EXT1: variants seen among roughly 807,000 people sequenced by gnomAD.
The protein encoded by EXT1 is exostosin glycosyltransferase 1, also known as exostosin-1.
Under a neutral mutation model 82.5 loss-of-function variants are expected in EXT1, and 20 were observed. The ratio of observed to expected loss-of-function variants is 0.24; its 90% confidence interval spans 0.17 to 0.35. The LOEUF is 0.35. EXT1 is among the 10% of genes least tolerant of loss of function. The pLI, the probability that EXT1 is intolerant of heterozygous loss-of-function variation, is 1.00. For missense variants in EXT1, 757 were observed against 936.5 expected (o/e 0.81, Z 2.50); for synonymous variants, 348 against 350.8 (o/e 0.99, Z 0.09).
intron 2 of EXT1, among the ~76,000 whole-genome samples, chr8:117,835,863 C>T (rs1369320220): frequency 5.3e-5 from 8 of 152,256 alleles, no homozygotes; most frequent in South Asian, 2.1e-4. Context: ...TTTTTATTGA[C>T]GTAACAAAAG....
At chr8:117,852,254 T>C (rs1373536970) in intron 1 of EXT1, among the ~76,000 whole-genome samples, 1 of 152,144 alleles carries the variant, frequency 6.6e-6, no homozygotes, top group Non-Finnish European at 1.5e-5. Context: ...TTTGGAGATG[T>C]CCCATTGGCT....
chr8:117,890,560 T>G (rs891071724), intron 1 of EXT1, among the ~76,000 whole-genome samples: 1 of 152,208 alleles, frequency 6.6e-6, no homozygotes, highest in Non-Finnish European at 1.5e-5. Flanking sequence ...ACTTTCCAAA[T>G]GACATAGCAC....
chr8:118,042,347 G>A (rs1816547212), intron 1 of EXT1, among the ~76,000 whole-genome samples: 2 of 152,288 alleles, frequency 1.3e-5, no homozygotes, highest in South Asian at 2.1e-4. Context: ...AGGCTACAGT[G>A]CAGTGGTGCC....
intron 1 of EXT1, among the ~76,000 whole-genome samples, chr8:118,074,919 G>A (rs1204846327): frequency 6.6e-6 from 1 of 152,196 alleles, no homozygotes; most frequent in African/African-American, 2.4e-5. Context: ...AAGGCTGGAA[G>A]CTCAGGGAGA....
intron 1 of EXT1, among the ~76,000 whole-genome samples, chr8:117,962,768 C>A (rs1365892780): frequency 6.8e-6 from 1 of 146,132 alleles, no homozygotes. Flanking sequence ...ACCCCCCACC[C>A]CCAAAAAAAA....
intron 1 of EXT1, among the ~76,000 whole-genome samples, chr8:118,103,206 G>C (rs1817753876): frequency 6.6e-6 from 1 of 152,156 alleles, no homozygotes; most frequent in Non-Finnish European, 1.5e-5. Flanking sequence ...GAGTGCAGTG[G>C]TGCCATCATC....
At chr8:117,994,908 C>T (rs1301255005) in intron 1 of EXT1, among the ~76,000 whole-genome samples, 1 of 152,230 alleles carries the variant, frequency 6.6e-6, no homozygotes, top group Non-Finnish European at 1.5e-5. Context: ...CACAGAACAT[C>T]AGCTATTTGG....
At chr8:118,059,265 T>C (rs1297806931) in intron 1 of EXT1, among the ~76,000 whole-genome samples, 1 of 152,146 alleles carries the variant, frequency 6.6e-6, no homozygotes, top group Non-Finnish European at 1.5e-5. Flanking sequence ...CACTGAATCA[T>C]ACAACTGTCA....
intron 1 of EXT1, among the ~76,000 whole-genome samples, chr8:117,898,316 CCTGTGGG>C: frequency 6.6e-6 from 1 of 152,194 alleles, no homozygotes; most frequent in Non-Finnish European, 1.5e-5. Context: ...GAAGTACCTT[CCTGTGGG>C]CTGGCTGGCA....
chr8:117,798,672 C>G lies in EXT1; in HGVS notation c.*1040G>C, dbSNP rs961216241. On this transcript the variant is annotated 3_prime_UTR_variant, in exon 11 of 11. Coordinates refer to ENST00000378204, the MANE Select transcript of EXT1 (RefSeq NM_000127.3). ...GTTACTTTGCAGCAATCCTCTTGTT[C>G]ATTGGTGTGAATTTCTACCTTATTA... 1.3e-5 allele frequency: 2 copies of G among 152,218 alleles called. No individual in the cohort carries two copies. The highest frequency in any genetic ancestry group is 2.9e-5 in the Non-Finnish European group (2 of 68,030). The allele number at this position is 152,218 out of a possible 1,614,324, so 9.4% of individuals were successfully genotyped here. A position where few individuals can be genotyped will look rare whatever the true frequency, so the allele number is the denominator to read the frequency against.
intron 1 of EXT1, among the ~76,000 whole-genome samples, chr8:118,091,033 G>A (rs917768281): frequency 1.3e-5 from 2 of 152,054 alleles, no homozygotes; most frequent in African/African-American, 4.8e-5. Context: ...AAACACCAAA[G>A]AAGTCAAGGA....
At chr8:117,941,117 T>C (rs964646869) in intron 1 of EXT1, among the ~76,000 whole-genome samples, 15 of 152,164 alleles carry the variant, frequency 9.9e-5, no homozygotes, top group Admixed American at 3.3e-4. Context: ...AATAAGTCAC[T>C]TGCATGAGAA....
chr8:118,061,746 A>C (rs35977504), intron 1 of EXT1, among the ~76,000 whole-genome samples: 8,051 of 152,320 alleles, frequency 0.053, 260 homozygotes, highest in Non-Finnish European at 0.082. Context: ...TGGTAAGCCA[A>C]ATAACATTCC....
chr8:117,913,225 T>A (rs974642630), intron 1 of EXT1, among the ~76,000 whole-genome samples: 4 of 152,038 alleles, frequency 2.6e-5, no homozygotes, highest in African/African-American at 7.2e-5. Context: ...CCATTTTTTT[T>A]AAAAGGTGTC....
intron 1 of EXT1, among the ~76,000 whole-genome samples, chr8:118,055,666 C>G (rs2129932148): frequency 6.6e-6 from 1 of 152,240 alleles, no homozygotes; most frequent in Non-Finnish European, 1.5e-5. Context: ...ATAACTAAGT[C>G]TAATTTCAGT....
chr8:118,052,648 A>G (rs935884287), intron 1 of EXT1, among the ~76,000 whole-genome samples: 1 of 152,192 alleles, frequency 6.6e-6, no homozygotes, highest in African/African-American at 2.4e-5. Flanking sequence ...TTTAATAGCC[A>G]CCTCTCCAAA....
chr8:117,822,582 T>C lies in EXT1; in HGVS notation c.1300A>G (p.Ile434Val), dbSNP rs1811943704. Residue 434 changes from isoleucine to valine, a missense_variant, in exon 5 of 11, where the codon ATA (isoleucine) becomes GTA (valine). This residue lies in a region of EXT1 where 207 missense variants were observed against 224.2 expected (regional missense o/e 0.92). Transcript: ENST00000378204. The part of the protein sequence containing the change: ...LTTLEIIQDR[I>V]FKHISRNSLI... ...CTGTTACGTGATATGTGCTTGAATA[T>C]TCTGTCCTGAATAATCTAGAAAATA... is the stretch of plus-strand genomic sequence containing the variant. The C allele has an allele frequency of 6.2e-7, 1 of 1,613,008 alleles. No individual in the cohort carries two copies. The highest frequency in any genetic ancestry group is 1.3e-5 in the African/African-American group (1 of 74,926).
chr8:117,886,017 T>C (rs1813141742), intron 1 of EXT1, among the ~76,000 whole-genome samples: 1 of 152,238 alleles, frequency 6.6e-6, no homozygotes, highest in Admixed American at 6.5e-5. Flanking sequence ...CATGACTGTG[T>C]GCAAGCCAAT....
intron 1 of EXT1, among the ~76,000 whole-genome samples, chr8:117,985,524 G>A (rs1563621256): frequency 6.6e-6 from 1 of 152,136 alleles, no homozygotes; most frequent in Non-Finnish European, 1.5e-5. Context: ...AAGGAAAGGT[G>A]CATTACCACT....
Sources: gnomAD v4.1 joint callset for allele counts (sites outside exome capture counted in the v4.1 genomes callset) on GRCh38, gnomAD v4.1.1 for gene constraint, gnomAD v4.1.1 regional missense constraint, MANE v1.5 for transcripts, NCBI Gene and HGNC (gene_info 2026-07-23, HGNC 2026-07-21) for gene names.